Variants in PUM3 observed in about 807,000 individuals in gnomAD.
PUM3 encodes the protein pumilio homolog 3.
Under a neutral mutation model 84.0 loss-of-function variants are expected in PUM3, and 91 were observed. The ratio of observed to expected loss-of-function variants is 1.08; its 90% CI spans 0.91 to 1.29. The LOEUF (loss-of-function observed/expected upper bound fraction) is 1.29. Ranked by LOEUF, PUM3 falls within the 50% of genes most tolerant of loss-of-function variation. The pLI, the probability that PUM3 is intolerant of heterozygous loss-of-function variation, is 0.00. For synonymous variants in PUM3, 321 were observed against 266.7 expected (o/e 1.20, Z -1.98); for missense variants, 1,067 against 767.5 (o/e 1.39, Z -4.61).
Position 2,807,844 on chromosome 9 carries a change from C to T in PUM3, c.1784G>A (p.Ser595Asn), listed in dbSNP as rs1449582311. Reference protein sequence around the residue: ...VGMKNLKSWASVNRGAIILSS... With the variant: ...VGMKNLKSWANVNRGAIILSS... ...AAGAATAATGGCACCTCGATTTACACTAGCCCAGGACTTCAGGTTCTTCAT... is the reference window on the plus strand; with the variant it reads ...AAGAATAATGGCACCTCGATTTACATTAGCCCAGGACTTCAGGTTCTTCAT... The change falls in exon 17 of 18, where the codon AGT becomes AAT. Residue 595 changes from serine to asparagine, a missense_variant. Physicochemically the swap from Ser to Asn is conservative, Grantham distance 46. Transcript: ENST00000397885. 6.2e-7 allele frequency: 1 copy of T among 1,613,562 alleles called. No individual in the cohort carries two copies. Among genetic ancestry groups the T allele is most frequent in the Non-Finnish European group, 8.5e-7 (1 of 1,179,792 alleles).
intron 13 of PUM3, among the ~76,000 whole-genome samples, chr9:2,815,037 T>C (rs895892236): frequency 1.3e-5 from 2 of 152,234 alleles, no homozygotes; most frequent in Non-Finnish European, 2.9e-5. Context: ...CTTCATGATA[T>C]GCATAAAACC....
At chr9:2,838,269 T>C (rs1816180866) in intron 2 of PUM3, among the ~76,000 whole-genome samples, 157 bp downstream of exon 2, 1 of 152,208 alleles carries the variant, frequency 6.6e-6, no homozygotes, top group African/African-American at 2.4e-5. Flanking sequence ...AGTGTCTAAA[T>C]GTCATGAGCA....
chr9:2,806,967 G>A (rs562143902), intron 17 of PUM3, among the ~76,000 whole-genome samples: 1 of 151,414 alleles, frequency 6.6e-6, no homozygotes, highest in Non-Finnish European at 1.5e-5. Context: ...CCAGCACTTT[G>A]GGAGCCCGAG....
Position 2,824,824 on chromosome 9 carries a change from C to T in PUM3, c.1036-9G>A. On this transcript the variant is annotated splice_polypyrimidine_tract_variant and intron_variant, in intron 10 of 17. Coordinates refer to ENST00000397885, the MANE Select transcript of PUM3 (RefSeq NM_014878.5). ...ATGGCTTCAATCATTTCCTAGGGAA[C>T]AAATGCTGTCAGGAACAGGGCTCTG... 6.5e-7 allele frequency: 1 copy of T among 1,527,906 alleles called. No individual in the cohort carries two copies. The highest frequency in any genetic ancestry group is 8.9e-7 in the Non-Finnish European group (1 of 1,124,792). 94.6% of individuals were successfully genotyped at this position (1,527,906 alleles called of 1,614,324 possible). A position where few individuals can be genotyped will look rare whatever the true frequency, so the allele number is the denominator to read the frequency against.
intron 13 of PUM3, among the ~76,000 whole-genome samples, chr9:2,815,542 T>C (rs117938263): frequency 0.024 from 3,619 of 152,336 alleles, 78 homozygotes; most frequent in Non-Finnish European, 0.032. Context: ...TTAAACTCTT[T>C]GCATATTAAT....
Position 2,833,420 on chromosome 9 carries a change from G to C in PUM3, c.453C>G (p.Asp151Glu). The C allele has an allele frequency of 6.4e-7, 1 of 1,571,994 alleles. No homozygotes were observed. The highest frequency in any genetic ancestry group is 8.7e-7 in the Non-Finnish European group (1 of 1,147,512). Reference protein sequence around the residue: ...MWEILRRKDCDKEKRVKLMSD... With the variant: ...MWEILRRKDCEKEKRVKLMSD... ...TCATTAACTTTACTCTTTTTTCTTT[G>C]TCACAGTCTTTTCTACAAATGAGGA... The change falls in exon 5 of 18, where the codon GAC (aspartate) becomes GAG (glutamate). Residue 151 changes from aspartate (D) to glutamate (E), a missense_variant. Coordinates refer to ENST00000397885, the MANE Select transcript of PUM3 (RefSeq NM_014878.5).
chr9:2,810,928 C>A (rs563694014), intron 15 of PUM3, among the ~76,000 whole-genome samples: 2 of 152,174 alleles, frequency 1.3e-5, no homozygotes, highest in African/African-American at 4.8e-5. Flanking sequence ...CAATACCAAG[C>A]GTTCCCAGTT....
intron 10 of PUM3, among the ~76,000 whole-genome samples, chr9:2,825,043 A>G (rs1040021826): frequency 6.6e-6 from 1 of 152,228 alleles, no homozygotes; most frequent in East Asian, 1.9e-4. Flanking sequence ...TATCTATTAA[A>G]AACAATACCT....
intron 5 of PUM3, among the ~76,000 whole-genome samples, chr9:2,832,773 G>C (rs1816019334): frequency 6.6e-6 from 1 of 152,116 alleles, no homozygotes; most frequent in Non-Finnish European, 1.5e-5. Flanking sequence ...CTTGACAAAG[G>C]CTGCCCCTCC....
At chr9:2,812,467 A>G in intron 13 of PUM3, 105 bp from the exon 14 acceptor site, 1 of 750,464 alleles carries the variant, frequency 1.3e-6, no homozygotes, top group Non-Finnish European at 2.1e-6. Context: ...TAAGCAAGGA[A>G]CTGATAATTT....
chr9:2,804,564 C>A (rs1259199869), intron 17 of PUM3, 101 bp from the exon 18 acceptor site: 2 of 1,076,560 alleles, frequency 1.9e-6, no homozygotes, highest in Non-Finnish European at 2.6e-6. Context: ...GTGACACAAG[C>A]CTTGTAACTA....
chr9:2,819,032 T>C (rs1261066372), intron 13 of PUM3, among the ~76,000 whole-genome samples: 1 of 152,138 alleles, frequency 6.6e-6, no homozygotes, highest in African/African-American at 2.4e-5. Context: ...TCTCCAAGGG[T>C]CCCATTTATG....
Position 2,844,031 on chromosome 9 carries a change from C to G in PUM3, c.-11+14G>C, listed in dbSNP as rs1247738720. 1 of 155,500 alleles carries G rather than the reference C, an allele frequency of 6.4e-6. No individual in the cohort carries two copies. Among genetic ancestry groups the G allele is most frequent in the African/African-American group, 2.4e-5 (1 of 41,456 alleles). The allele number at this position is 155,500 out of a possible 1,614,324, so 9.6% of individuals were successfully genotyped here. A position where few individuals can be genotyped will look rare whatever the true frequency, so the allele number is the denominator to read the frequency against. On this transcript the variant is annotated intron_variant, in intron 1 of 17. Coordinates refer to ENST00000397885, the MANE Select transcript of PUM3 (RefSeq NM_014878.5). ...ACCCCTCCCAAGAGCGACCGCTGAG[C>G]CTGCCACACTCACCGCACACGTGGG...
In PUM3 at chr9:2,822,775, TA is replaced by T. The variant is rs756928711; in HGVS notation, c.1188+1005del. On this transcript the variant is annotated intron_variant, in intron 12 of 17. Coordinates refer to ENST00000397885, the MANE Select transcript of PUM3 (RefSeq NM_014878.5). ...ATATATAACATTATAATTCATATTATAATTATGAATTATGAAATATATATGA... is the reference window on the plus strand; with the variant it reads ...ATATATAACATTATAATTCATATTATATTATGAATTATGAAATATATATGA... Among the ~76,000 whole-genome samples the T allele has an allele frequency of 7.9e-4, 118 of 148,758 alleles. 1 individual carries two copies. The highest frequency in any genetic ancestry group is 1.4e-3 in the Non-Finnish European group (92 of 67,262).
At chr9:2,829,984 G>T (rs757663616) in intron 7 of PUM3, 36 bp from the exon 8 acceptor site, 35 of 1,571,360 alleles carry the variant, frequency 2.2e-5, no homozygotes, top group Non-Finnish European at 3.0e-5. Context: ...ATAAATGATA[G>T]AAGGAGAAAG....
intron 1 of PUM3, among the ~76,000 whole-genome samples, chr9:2,840,925 T>C (rs1171614540): frequency 1.3e-5 from 2 of 152,236 alleles, no homozygotes; most frequent in African/African-American, 4.8e-5. Flanking sequence ...TGTCCCTGTT[T>C]CTATGTCCTT....
In PUM3 at chr9:2,833,425, A is replaced by G. The variant is rs1405151861; in HGVS notation, c.448T>C (p.Cys150Arg). The G allele has an allele frequency of 1.3e-6, 2 of 1,562,834 alleles. No homozygotes were observed. The highest frequency in any genetic ancestry group is 1.1e-5 in the South Asian group (1 of 88,520). Residue 150 changes from cysteine to arginine, a missense_variant, in exon 5 of 18, where the codon TGT becomes CGT. By Grantham distance (180) the Cys-to-Arg change is radical. Transcript: ENST00000397885. ...AACTTTACTCTTTTTTCTTTGTCAC[A>G]GTCTTTTCTACAAATGAGGAGAGGA... ...QMWEILRRKD[C>R]DKEKRVKLMS...
Position 2,838,449 on chromosome 9 carries a change from T to C in PUM3, c.59A>G (p.Lys20Arg). 6.2e-7 allele frequency: 1 copy of C among 1,612,708 alleles called. No homozygotes were observed. Among genetic ancestry groups the C allele is most frequent in the East Asian group, 2.2e-5 (1 of 44,850 alleles). Residue 20 changes from lysine to arginine, a missense_variant, in exon 2 of 18, where the codon AAA (lysine) becomes AGA (arginine). Lys to Arg is a conservative substitution (Grantham distance 26). Transcript: ENST00000397885. ...TGKSTKTAQEKNRFHKNSDSG... is the reference protein window; with the variant it reads ...TGKSTKTAQERNRFHKNSDSG... ...ACCACTATTTTTATGAAATCTGTTT[T>C]TTTCTTGTGCTGTCTTTGTACTCTT...
At chr9:2,823,866 T>G (rs992518530) in intron 11 of PUM3, 32 bp from the exon 12 acceptor site, 1 of 1,256,408 alleles carries the variant, frequency 8.0e-7, no homozygotes, top group Non-Finnish European at 1.1e-6. Context: ...CACTGAATTT[T>G]CAGTTATGTA....
Sources: gnomAD v4.1 joint callset for allele counts (sites outside exome capture counted in the v4.1 genomes callset) on GRCh38, gnomAD v4.1.1 for gene constraint, MANE v1.5 for transcripts, NCBI Gene and HGNC (gene_info 2026-07-23, HGNC 2026-07-21) for gene names.